Variants in SYT10 observed in about 807,000 individuals in gnomAD.
SYT10 encodes the protein synaptotagmin-10.
A neutral mutation model predicts 51.1 loss-of-function variants in SYT10; 31 were observed. The ratio of observed to expected loss-of-function variants is 0.61; its 90% CI spans 0.46 to 0.82. The LOEUF (loss-of-function observed/expected upper bound fraction) is 0.82, where lower values mean the gene tolerates loss of function less well. Among genes scored for constraint, SYT10 ranks in the 40% least tolerant of loss-of-function variants. The pLI, the probability that SYT10 is intolerant of heterozygous loss-of-function variation, is 0.00. For synonymous variants in SYT10, 233 were observed against 225.9 expected, an observed-to-expected ratio of 1.03 and a Z score of -0.28; for missense variants, 603 against 634.0, an observed-to-expected ratio of 0.95 and a Z score of 0.53.
chr12:33,384,518 C>G (rs553489036), intron 4 of SYT10, among the ~76,000 whole-genome samples: 1 of 152,056 alleles, frequency 6.6e-6, no homozygotes, highest in Non-Finnish European at 1.5e-5. Context: ...AGAGCTGTGC[C>G]AGTGTTTATG....
At position 33,426,089 on chromosome 12, in the gene SYT10, C is replaced by CACA. The variant is rs748422621; in HGVS notation, c.509+46_509+48dup. The CACA allele has an allele frequency of 4.6e-6, 7 of 1,511,132 alleles. No individual in the cohort carries two copies. The East Asian group carries it at 1.6e-4, about 34-fold the overall frequency. The allele number at this position is 1,511,132 out of a possible 1,614,324, so 93.6% of individuals were successfully genotyped here. On this transcript the variant is annotated intron_variant, in intron 2 of 6. Transcript: ENST00000228567. ...ACACACACACACACACACACACACA[C>CACA]ACACACACACGCACACACACCAGTT...
intron 5 of SYT10, among the ~76,000 whole-genome samples, chr12:33,380,216 A>G (rs1866102184): frequency 1.3e-5 from 2 of 152,218 alleles, no homozygotes; most frequent in Admixed American, 6.5e-5. Flanking sequence ...ACATTTCATC[A>G]TAATAAAAAT....
In SYT10 at chr12:33,385,234, G is replaced by T. The variant is rs760055492; in HGVS notation, c.1135C>A (p.Arg379Ser). The T allele has an allele frequency of 1.9e-6, 3 of 1,613,598 alleles. No individual in the cohort carries two copies. The Admixed American group carries it at 5.0e-5, about 27-fold the overall frequency. Residue 379 changes from arginine to serine, a missense_variant, in exon 4 of 7, where the codon CGT (arginine) becomes AGT (serine). Arg to Ser is a moderately radical substitution (Grantham distance 110, BLOSUM62 -1). Coordinates refer to ENST00000228567, the MANE Select transcript of SYT10 (RefSeq NM_198992.4). ...FSLCYLPTAG[R>S]MTLTVIKCRN... ...CACTTAATGACTGTCAATGTCATAC[G>T]CCCAGCCGTCGGTAGGTAACAAAGG...
intron 2 of SYT10, among the ~76,000 whole-genome samples, chr12:33,409,522 T>C (rs567486640): frequency 1.4e-5 from 2 of 147,638 alleles, no homozygotes; most frequent in Admixed American, 1.3e-4. Context: ...TCTTTTCTTT[T>C]TTTTTTTTTG....
rs571810055 is a variant in SYT10, at chr12:33,406,766, A to G, written c.1077+23T>C. 22 of 1,553,890 alleles carry G rather than the reference A, an allele frequency of 1.4e-5. No homozygotes were observed. The South Asian group carries it at 1.6e-4, about 11-fold the overall frequency. On this transcript the variant is annotated intron_variant, in intron 3 of 6. Coordinates refer to ENST00000228567, the MANE Select transcript of SYT10 (RefSeq NM_198992.4). ...CATTGTAAGTCAAATAAAAAACAAT[A>G]TATTGGTGGAATTACTACTTACTGT...
chr12:33,430,664 T>C (rs1421584059), intron 1 of SYT10, among the ~76,000 whole-genome samples: 2 of 152,198 alleles, frequency 1.3e-5, no homozygotes, highest in Non-Finnish European at 2.9e-5. Flanking sequence ...AAAAATGTGA[T>C]TTCCAATAAT....
Position 33,385,235 on chromosome 12 carries a change from C to A in SYT10, c.1134G>T (p.Gly378=). ...ACTTAATGACTGTCAATGTCATACGCCCAGCCGTCGGTAGGTAACAAAGGG... is the reference window on the plus strand; with the variant it reads ...ACTTAATGACTGTCAATGTCATACGACCAGCCGTCGGTAGGTAACAAAGGG... The part of the protein sequence containing the change: ...MFSLCYLPTA[G]RMTLTVIKCR... The change falls in exon 4 of 7, where the codon GGG becomes GGT. Residue 378 remains glycine (G), a synonymous_variant. Transcript: ENST00000228567. The A allele has an allele frequency of 1.2e-6, 2 of 1,613,714 alleles. No individual in the cohort carries two copies. The highest frequency in any genetic ancestry group is 1.7e-6 in the Non-Finnish European group (2 of 1,179,796).
intron 1 of SYT10, among the ~76,000 whole-genome samples, chr12:33,434,736 C>T (rs1453131319): frequency 9.9e-5 from 15 of 152,186 alleles, no homozygotes; most frequent in Admixed American, 5.9e-4. Flanking sequence ...ACTTGGGAGG[C>T]GGAGGTTGTG....
At chr12:33,423,954 T>C (rs1490870529) in intron 2 of SYT10, 2 of 455,934 alleles carry the variant, frequency 4.4e-6, no homozygotes, top group Non-Finnish European at 4.4e-6. Flanking sequence ...TGCCTTGGCA[T>C]AGTGACAAAA....
At chr12:33,426,097 CA>C in intron 2 of SYT10, 40 bp downstream of exon 2, 1 of 1,524,842 alleles carries the variant, frequency 6.6e-7, no homozygotes, top group Non-Finnish European at 8.8e-7. Context: ...CACACACACA[CA>C]CGCACACACA....
chr12:33,404,975 A>G (rs1828200265), intron 3 of SYT10: 1 of 152,146 alleles, frequency 6.6e-6, no homozygotes, highest in African/African-American at 2.4e-5. Flanking sequence ...AGGAACTCCT[A>G]CTTTTTTCTA....
chr12:33,439,441 G>A lies in SYT10; in HGVS notation c.82C>T (p.Gln28Ter). ...CCCGAGCACTTCTCCCACTCCACCT[G>A]GCCGGCGAAGCACAGCTCGGTGACG... ...HIVTELCFAG[Q>*]VEWEKCSGIF... The change falls in exon 1 of 7, where the codon CAG becomes TAG. Residue 28 changes from glutamine to a stop codon, truncating the protein, a stop_gained. Transcript: ENST00000228567. LOFTEE classifies it high-confidence loss of function. 6.2e-7 allele frequency: 1 copy of A among 1,614,234 alleles called. No individual in the cohort carries two copies. The highest frequency in any genetic ancestry group is 8.5e-7 in the Non-Finnish European group (1 of 1,180,036).
chr12:33,438,689 C>T (rs1425513311), intron 1 of SYT10, among the ~76,000 whole-genome samples: 1 of 152,230 alleles, frequency 6.6e-6, no homozygotes, highest in Non-Finnish European at 1.5e-5. Flanking sequence ...CGTCTCCCCT[C>T]TCTTCCACTT....
At chr12:33,409,348 C>T (rs2138417885) in intron 2 of SYT10, among the ~76,000 whole-genome samples, 1 of 151,730 alleles carries the variant, frequency 6.6e-6, no homozygotes, top group African/African-American at 2.4e-5. Flanking sequence ...TCCCAAGTAG[C>T]TGAGATTAGA....
At chr12:33,388,079 T>C (rs1396908508) in intron 3 of SYT10, among the ~76,000 whole-genome samples, 2 of 151,688 alleles carry the variant, frequency 1.3e-5, no homozygotes, top group African/African-American at 4.9e-5. Context: ...GTAAGTTTAG[T>C]GAAGACAGCA....
rs1238923093 is a variant in SYT10, at chr12:33,384,093, A to G, written c.1198+1078T>C. Among the ~76,000 whole-genome samples the G allele has an allele frequency of 2.6e-5, 4 of 152,248 alleles. No homozygotes were observed. In the South Asian group the frequency reaches 8.3e-4, roughly 32 times the overall value. ...ATGAACATCATGACATAGCTCAAAA[A>G]TCCATGATAGACAGATATACAATAA... On this transcript the variant is annotated intron_variant, in intron 4 of 6. Transcript: ENST00000228567.
chr12:33,413,708 G>A (rs181928717), intron 2 of SYT10, among the ~76,000 whole-genome samples: 4,504 of 152,158 alleles, frequency 0.03, 186 homozygotes, highest in East Asian at 0.14. Context: ...AGGAACAACC[G>A]GTACCAGCCA....
At chr12:33,430,082 A>G (rs1866584366) in intron 1 of SYT10, among the ~76,000 whole-genome samples, 2 of 152,218 alleles carry the variant, frequency 1.3e-5, no homozygotes, top group Non-Finnish European at 2.9e-5. Context: ...AGAGCTAATG[A>G]AATAAACAGA....
At chr12:33,438,241 C>A (rs978213301) in intron 1 of SYT10, among the ~76,000 whole-genome samples, 2 of 152,164 alleles carry the variant, frequency 1.3e-5, no homozygotes, top group African/African-American at 2.4e-5. Context: ...GCCCTGACTA[C>A]CTTCAACTCT....
Sources: allele counts gnomAD v4.1 joint callset (sites outside exome capture counted in the v4.1 genomes callset), GRCh38; gene constraint gnomAD v4.1.1; transcripts MANE v1.5; gene names NCBI Gene and HGNC (gene_info 2026-07-23, HGNC 2026-07-21).